Variants in ARB2A observed in about 807,000 individuals in gnomAD.
ARB2A encodes cotranscriptional regulator ARB2A.
At chr5:93,937,945 TAA>T in the ARB2A span, among the ~76,000 whole-genome samples, 1 of 152,158 alleles carries the variant, frequency 6.6e-6, no homozygotes, top group East Asian at 1.9e-4. Flanking sequence ...ACCTTTCATT[TAA>T]AAAAATTTTT....
At chr5:94,074,242 AC>A in the ARB2A span, among the ~76,000 whole-genome samples, 1 of 152,128 alleles carries the variant, frequency 6.6e-6, no homozygotes, top group African/African-American at 2.4e-5. Context: ...ACATGTATAA[AC>A]CTCTCATAAA....
the ARB2A span, chr5:93,865,223 AG>A: frequency 5.6e-6 from 1 of 179,538 alleles, no homozygotes; most frequent in African/African-American, 2.4e-5. Context: ...CTGAGCCTAC[AG>A]GTGCCTGCCA....
the ARB2A span, among the ~76,000 whole-genome samples, chr5:94,021,726 A>T: frequency 3.3e-5 from 5 of 152,346 alleles, no homozygotes; most frequent in African/African-American, 9.6e-5. Context: ...GTATGGTTCT[A>T]CAGAAACTTA....
chr5:94,098,800 C>T, the ARB2A span, among the ~76,000 whole-genome samples: 3 of 152,280 alleles, frequency 2.0e-5, no homozygotes, highest in African/African-American at 7.2e-5. Flanking sequence ...GGGAATGTTA[C>T]TACTGACCCC....
At chr5:93,827,483 A>C in the ARB2A span, among the ~76,000 whole-genome samples, 2 of 152,048 alleles carry the variant, frequency 1.3e-5, no homozygotes, top group African/African-American at 4.8e-5. Flanking sequence ...TTCATTGTAG[A>C]TTCTGGATAT....
the ARB2A span, among the ~76,000 whole-genome samples, chr5:94,026,220 C>T: frequency 1.3e-5 from 2 of 152,238 alleles, no homozygotes; most frequent in African/African-American, 4.8e-5. Context: ...CCTAGCCTCA[C>T]TCTACCCTGC....
chr5:93,914,903 G>A, the ARB2A span, among the ~76,000 whole-genome samples: 13,898 of 151,786 alleles, frequency 0.092, 805 homozygotes, highest in Middle Eastern at 0.16. Flanking sequence ...CATCATTACC[G>A]AACATTGAGT....
At chr5:93,997,108 T>C in the ARB2A span, among the ~76,000 whole-genome samples, 1 of 152,032 alleles carries the variant, frequency 6.6e-6, no homozygotes, top group Non-Finnish European at 1.5e-5. Flanking sequence ...CTTTCACCTC[T>C]AGTTTCTGTA....
At chr5:93,793,504 C>T in the ARB2A span, among the ~76,000 whole-genome samples, 1 of 151,846 alleles carries the variant, frequency 6.6e-6, no homozygotes, top group Non-Finnish European at 1.5e-5. Flanking sequence ...CATGTAGCCT[C>T]CATGAGGGCA....
At chr5:93,763,419 T>G in the ARB2A span, among the ~76,000 whole-genome samples, 1 of 152,048 alleles carries the variant, frequency 6.6e-6, no homozygotes, top group Non-Finnish European at 1.5e-5. Flanking sequence ...AAAACAGACT[T>G]TAAACCAACT....
chr5:93,963,399 G>C, the ARB2A span, among the ~76,000 whole-genome samples: 3 of 151,830 alleles, frequency 2.0e-5, no homozygotes, highest in Non-Finnish European at 4.4e-5. Context: ...TAAGCACTTG[G>C]ACCAGTGTCC....
the ARB2A span, among the ~76,000 whole-genome samples, chr5:94,088,236 C>T: frequency 7.2e-5 from 11 of 152,202 alleles, no homozygotes; most frequent in South Asian, 2.1e-4. Context: ...TGATTCCTTG[C>T]CTGTTTTCAA....
the ARB2A span, among the ~76,000 whole-genome samples, chr5:94,082,852 T>C: frequency 6.6e-6 from 1 of 152,186 alleles, no homozygotes; most frequent in Non-Finnish European, 1.5e-5. Context: ...ATACTACAAA[T>C]ATCTGATCTT....
the ARB2A span, among the ~76,000 whole-genome samples, chr5:93,728,038 G>A: frequency 6.0e-4 from 91 of 152,178 alleles, no homozygotes; most frequent in Middle Eastern, 3.4e-3. Context: ...AGTATTCACA[G>A]ATGGAAGCAA....
At chr5:93,696,671 AGTAAGAGATAGAAG>A in the ARB2A span, among the ~76,000 whole-genome samples, 4 of 152,172 alleles carry the variant, frequency 2.6e-5, no homozygotes, top group Non-Finnish European at 5.9e-5. Context: ...AGAATGCAGT[AGTAAGAGATAGAAG>A]TGTTTTTTTT....
the ARB2A span, among the ~76,000 whole-genome samples, chr5:93,980,514 T>G: frequency 6.6e-6 from 1 of 152,178 alleles, no homozygotes; most frequent in African/African-American, 2.4e-5. Flanking sequence ...CAGATAATGT[T>G]TCTTCAAATA....
chr5:93,632,566 T>A, the ARB2A span, among the ~76,000 whole-genome samples: 1 of 152,170 alleles, frequency 6.6e-6, no homozygotes, highest in East Asian at 1.9e-4. Flanking sequence ...AGGGTTTTAA[T>A]CAGGGGAGAA....
chr5:93,734,044 C>T, the ARB2A span: 2 of 151,982 alleles, frequency 1.3e-5, no homozygotes, highest in Non-Finnish European at 2.9e-5. Flanking sequence ...ATTAAATTAT[C>T]GAAACAGATG....
At chr5:94,088,187 C>G in the ARB2A span, among the ~76,000 whole-genome samples, 1 of 152,106 alleles carries the variant, frequency 6.6e-6, no homozygotes, top group Non-Finnish European at 1.5e-5. Context: ...AACCTCAGAG[C>G]AGCTATATAT....
Sources: gnomAD v4.1 joint callset for allele counts (sites outside exome capture counted in the v4.1 genomes callset) on GRCh38, gnomAD v4.1.1 for gene constraint, MANE v1.5 for transcripts, NCBI Gene and HGNC (gene_info 2026-07-23, HGNC 2026-07-21) for gene names.